ITFG1: variants seen among roughly 807,000 people sequenced by gnomAD.
ITFG1 encodes the protein T-cell immunomodulatory protein.
In ITFG1, 34 loss-of-function variants were observed where a neutral mutation model predicts 81.8. The observed-to-expected ratio is 0.42, with a 90% CI of 0.32 to 0.55. The LOEUF (loss-of-function observed/expected upper bound fraction) is 0.55. Among genes scored for constraint, ITFG1 ranks in the 20% least tolerant of loss-of-function variants. The pLI, the probability that ITFG1 is intolerant of heterozygous loss-of-function variation, is 0.17. For synonymous variants in ITFG1, 285 were observed against 270.6 expected, an observed-to-expected ratio of 1.05 and a Z score of -0.52; for missense variants, 672 against 755.4, an observed-to-expected ratio of 0.89 and a Z score of 1.29.
At chr16:47,193,371 G>T (rs1369906584) in intron 14 of ITFG1, among the ~76,000 whole-genome samples, 1 of 151,100 alleles carries the variant, frequency 6.6e-6, no homozygotes, top group Non-Finnish European at 1.5e-5. Context: ...AATAATTTTC[G>T]TTTCTTCTGT....
chr16:47,325,859 GA>G (rs1335597781), intron 8 of ITFG1, among the ~76,000 whole-genome samples: 1 of 152,084 alleles, frequency 6.6e-6, no homozygotes, highest in Non-Finnish European at 1.5e-5. Flanking sequence ...AAAGGTCCAG[GA>G]CCAAATGGAT....
intron 6 of ITFG1, among the ~76,000 whole-genome samples, chr16:47,422,082 T>C (rs775488326): frequency 4.2e-4 from 64 of 152,230 alleles, no homozygotes; most frequent in African/African-American, 1.4e-3. Context: ...CTATCATTGA[T>C]GGACATCTGG....
At chr16:47,374,942 A>G (rs189423492) in intron 7 of ITFG1, among the ~76,000 whole-genome samples, 2 of 152,298 alleles carry the variant, frequency 1.3e-5, no homozygotes, top group East Asian at 1.9e-4. Context: ...GTCTCCTTCC[A>G]TAAGTTTGTG....
At chr16:47,415,678 C>T (rs1968864659) in intron 6 of ITFG1, among the ~76,000 whole-genome samples, 1 of 151,962 alleles carries the variant, frequency 6.6e-6, no homozygotes, top group Non-Finnish European at 1.5e-5. Flanking sequence ...TTTTTCCAAT[C>T]ATAATGATTG....
intron 13 of ITFG1, among the ~76,000 whole-genome samples, chr16:47,223,331 A>G (rs1965716504): frequency 6.6e-6 from 1 of 152,178 alleles, no homozygotes; most frequent in Admixed American, 6.5e-5. Context: ...TTCGCAACCT[A>G]CTCATCTGAC....
intron 8 of ITFG1, among the ~76,000 whole-genome samples, chr16:47,360,509 A>G (rs1968095990): frequency 1.3e-5 from 2 of 152,190 alleles, no homozygotes; most frequent in African/African-American, 4.8e-5. Flanking sequence ...GCCAATCTTA[A>G]ATGATTTACA....
At chr16:47,167,710 G>A (rs1189424557) in intron 14 of ITFG1, among the ~76,000 whole-genome samples, 1 of 152,148 alleles carries the variant, frequency 6.6e-6, no homozygotes, top group East Asian at 1.9e-4. Context: ...CTCACACAAA[G>A]CGTGTTTGGT....
At chr16:47,381,322 T>C (rs184998680) in intron 6 of ITFG1, among the ~76,000 whole-genome samples, 3 of 152,324 alleles carry the variant, frequency 2.0e-5, no homozygotes, top group Middle Eastern at 3.4e-3. Flanking sequence ...CACTATATCC[T>C]TCAGTGTGAT....
intron 12 of ITFG1, among the ~76,000 whole-genome samples, chr16:47,248,889 C>T (rs889686474): frequency 6.6e-6 from 1 of 152,180 alleles, no homozygotes; most frequent in African/African-American, 2.4e-5. Context: ...CACCTGTATG[C>T]AATTCTAGCC....
intron 13 of ITFG1, among the ~76,000 whole-genome samples, chr16:47,221,690 T>C (rs1214829663): frequency 6.6e-6 from 1 of 152,224 alleles, no homozygotes; most frequent in Non-Finnish European, 1.5e-5. Context: ...CTGGTAGAAT[T>C]CGGCTGTGAA....
At chr16:47,363,224 T>C (rs748696542) in intron 8 of ITFG1, among the ~76,000 whole-genome samples, 1 of 152,186 alleles carries the variant, frequency 6.6e-6, no homozygotes, top group Non-Finnish European at 1.5e-5. Flanking sequence ...GACAAGGATG[T>C]TACCTTTAAA....
chr16:47,181,136 C>G (rs528618550), intron 14 of ITFG1, among the ~76,000 whole-genome samples: 1 of 149,302 alleles, frequency 6.7e-6, no homozygotes, highest in African/African-American at 2.5e-5. Flanking sequence ...ATGTGGGGAG[C>G]GCCGCTGCCC....
At chr16:47,448,203 A>C (rs917628781) in intron 5 of ITFG1, 3 of 152,200 alleles carry the variant, frequency 2.0e-5, no homozygotes, top group Non-Finnish European at 4.4e-5. Flanking sequence ...CATTAAAACA[A>C]ATATTTATAA....
intron 12 of ITFG1, among the ~76,000 whole-genome samples, chr16:47,240,139 A>C (rs1965916735): frequency 6.6e-6 from 1 of 151,618 alleles, no homozygotes; most frequent in Non-Finnish European, 1.5e-5. Flanking sequence ...GAAAAAAAAA[A>C]AAAAAAAATT....
intron 6 of ITFG1, among the ~76,000 whole-genome samples, chr16:47,405,221 A>G (rs917656242): frequency 3.3e-5 from 5 of 152,326 alleles, no homozygotes; most frequent in Admixed American, 3.3e-4. Flanking sequence ...TCAATCTGGT[A>G]TACACAGACC....
chr16:47,343,022 G>T (rs188868967), intron 8 of ITFG1, among the ~76,000 whole-genome samples: 6 of 152,202 alleles, frequency 3.9e-5, no homozygotes, highest in African/African-American at 1.4e-4. Context: ...AATTGCAGGA[G>T]CCATGAATAA....
chr16:47,263,275 G>A (rs1424840387), intron 10 of ITFG1: 1 of 430,290 alleles, frequency 2.3e-6, no homozygotes, highest in African/African-American at 2.1e-5. Flanking sequence ...CTTGCTCTGT[G>A]TATGCTTATG....
In ITFG1 at chr16:47,234,781, C is replaced by T. The variant is rs565766868; in HGVS notation, c.1374+3184G>A. ...GTGATATGGTTTGGCTGTGTCCACA[C>T]CCAAATCTCACATTGAATTGTAATC... On this transcript the variant is annotated intron_variant, in intron 13 of 17. Coordinates refer to ENST00000320640, the MANE Select transcript of ITFG1 (RefSeq NM_030790.5). Among the ~76,000 whole-genome samples, 21 of 152,270 alleles carry T rather than the reference C, an allele frequency of 1.4e-4. No individual in the cohort carries two copies. In the East Asian group the frequency reaches 4.1e-3, roughly 29 times the overall value.
chr16:47,445,404 C>T (rs1372927309), intron 5 of ITFG1, among the ~76,000 whole-genome samples: 1 of 152,128 alleles, frequency 6.6e-6, no homozygotes, highest in Non-Finnish European at 1.5e-5. Context: ...GGTACACTCT[C>T]AGGCACATGA....
Sources: gnomAD v4.1 joint callset for allele counts (sites outside exome capture counted in the v4.1 genomes callset) on GRCh38, gnomAD v4.1.1 for gene constraint, MANE v1.5 for transcripts, NCBI Gene and HGNC (gene_info 2026-07-23, HGNC 2026-07-21) for gene names.